RBFOX1: variants seen among roughly 807,000 people sequenced by gnomAD.
RBFOX1 encodes the protein RNA binding fox-1 homolog 1, also known as RNA binding protein fox-1 homolog 1.
In RBFOX1, 8 loss-of-function variants were observed where a neutral mutation model predicts 57.7. That is an observed-to-expected ratio of 0.14 (90% CI 0.08 to 0.25). RBFOX1 has a LOEUF of 0.25. Ranked by LOEUF, RBFOX1 falls within the 10% of genes least tolerant of loss-of-function variation. The pLI, the probability that RBFOX1 is intolerant of heterozygous loss-of-function variation, is 1.00. For synonymous variants in RBFOX1, 326 were observed against 222.4 expected (o/e 1.47, Z -4.15); for missense variants, 611 against 548.5 (o/e 1.11, Z -1.14).
chr16:5,983,084 C>T (rs1007763026), intron 4 of RBFOX1, among the ~76,000 whole-genome samples: 3 of 152,150 alleles, frequency 2.0e-5, no homozygotes, highest in East Asian at 1.9e-4. Context: ...AGAGTGAGTG[C>T]GACTTCACTT....
chr16:6,793,488 C>A lies in RBFOX1; in HGVS notation c.-16+138838C>A, dbSNP rs565630543. Among the ~76,000 whole-genome samples the A allele has an allele frequency of 6.7e-4, 102 of 152,176 alleles. 1 individual carries two copies. Among genetic ancestry groups the A allele is most frequent in the Non-Finnish European group, 1.3e-3 (86 of 68,002 alleles). On this transcript the variant is annotated intron_variant, in intron 3 of 15. Transcript: ENST00000550418. Reference sequence around the variant, plus strand: ...TGTCTCAGTGGACATTGTTGGTATTCCTGAGTGTTTTGACATTTTGGCCAT... The same window carrying A: ...TGTCTCAGTGGACATTGTTGGTATTACTGAGTGTTTTGACATTTTGGCCAT...
intron 4 of RBFOX1, among the ~76,000 whole-genome samples, chr16:7,393,820 T>A (rs1349971067): frequency 2.0e-5 from 3 of 152,150 alleles, no homozygotes; most frequent in African/African-American, 7.2e-5. Context: ...AGGTGAATCA[T>A]GCCAGCCAAG....
At chr16:7,510,151 C>T (rs941141012) in intron 4 of RBFOX1, 23 of 985,590 alleles carry the variant, frequency 2.3e-5, no homozygotes, top group Non-Finnish European at 2.4e-5. Flanking sequence ...AGCCAGGCGG[C>T]CTCAGCCCCC....
At chr16:7,435,561 C>G (rs189274096) in intron 4 of RBFOX1, among the ~76,000 whole-genome samples, 58 of 152,170 alleles carry the variant, frequency 3.8e-4, no homozygotes, top group African/African-American at 1.3e-3. Flanking sequence ...GCAGCAGCAT[C>G]TACATCCATG....
chr16:7,368,297 G>A (rs4491518), intron 4 of RBFOX1, among the ~76,000 whole-genome samples: 53,139 of 150,912 alleles, frequency 0.35, 10,916 homozygotes, highest in African/African-American at 0.58. Context: ...AAGAAAGGCC[G>A]TAAGTATTTT....
chr16:7,443,364 C>G (rs2098784078), intron 4 of RBFOX1, among the ~76,000 whole-genome samples: 1 of 151,864 alleles, frequency 6.6e-6, no homozygotes, highest in South Asian at 2.1e-4. Flanking sequence ...CCTCCTGTCT[C>G]ACACACTCTC....
At chr16:6,266,820 C>T (rs916334967) in intron 1 of RBFOX1, among the ~76,000 whole-genome samples, 7 of 151,818 alleles carry the variant, frequency 4.6e-5, no homozygotes, top group African/African-American at 1.5e-4. Context: ...ATCATGTGTT[C>T]CCATGGCATT....
intron 5 of RBFOX1, among the ~76,000 whole-genome samples, chr16:7,574,440 T>A (rs2093113569): frequency 6.6e-6 from 1 of 152,160 alleles, no homozygotes; most frequent in East Asian, 1.9e-4. Context: ...GAAGTCAGGC[T>A]GGGTCCCAAA....
intron 1 of RBFOX1, among the ~76,000 whole-genome samples, chr16:5,240,426 TGGGCATCCTGTCTG>T (rs1379915872): frequency 2.0e-5 from 3 of 152,000 alleles, no homozygotes; most frequent in Non-Finnish European, 4.4e-5. Context: ...GGGGTTGCGC[TGGGCATCCTGTCTG>T]GGGCATCTGT....
chr16:5,407,427 C>T (rs1293192646), intron 1 of RBFOX1, among the ~76,000 whole-genome samples: 4 of 151,984 alleles, frequency 2.6e-5, no homozygotes, highest in African/African-American at 9.7e-5. Flanking sequence ...AGAGCAGAGG[C>T]CCTGTGCTGG....
chr16:5,910,058 A>T (rs559529201), intron 4 of RBFOX1, among the ~76,000 whole-genome samples: 53 of 151,930 alleles, frequency 3.5e-4, no homozygotes, highest in African/African-American at 1.2e-3. Flanking sequence ...AAAAACAAAC[A>T]AAAACAAAAA....
chr16:6,445,508 A>G (rs562426260), intron 2 of RBFOX1, among the ~76,000 whole-genome samples: 1 of 151,896 alleles, frequency 6.6e-6, no homozygotes, highest in South Asian at 2.1e-4. Context: ...GAATGAGACA[A>G]GCCAAGGATA....
rs527423818 is a variant in RBFOX1 at position 7,199,922 on chromosome 16, A to G, written c.27+147824A>G. Among the ~76,000 whole-genome samples the G allele has an allele frequency of 9.2e-5, 14 of 152,228 alleles. No homozygotes were observed. The East Asian group carries it at 1.4e-3, about 15-fold the overall frequency. Reference sequence around the variant, plus strand: ...AAAAACAAAACAAAACAACAACAACAACAACAACAAAGAAATTAGACAAAA... The same window carrying G: ...AAAAACAAAACAAAACAACAACAACGACAACAACAAAGAAATTAGACAAAA... On this transcript the variant is annotated intron_variant, in intron 4 of 15. Coordinates refer to ENST00000550418, the MANE Select transcript of RBFOX1 (RefSeq NM_018723.4).
chr16:6,574,918 G>T (rs11640416), intron 2 of RBFOX1, among the ~76,000 whole-genome samples: 1 of 151,096 alleles, frequency 6.6e-6, no homozygotes, highest in Non-Finnish European at 1.5e-5. Context: ...GGCGCCTGTA[G>T]TCCCAGCTAC....
intron 3 of RBFOX1, among the ~76,000 whole-genome samples, chr16:5,680,530 T>G (rs139617296): frequency 1.6e-3 from 246 of 152,310 alleles, no homozygotes; most frequent in African/African-American, 5.8e-3. Context: ...GCAGATAGAC[T>G]TGGAGTACAT....
chr16:5,333,883 A>G (rs2064830245), intron 1 of RBFOX1, among the ~76,000 whole-genome samples: 1 of 152,208 alleles, frequency 6.6e-6, no homozygotes, highest in Non-Finnish European at 1.5e-5. Context: ...ATACAGCATT[A>G]TAATCTTATG....
At chr16:7,361,808 G>T (rs888283003) in intron 4 of RBFOX1, among the ~76,000 whole-genome samples, 3 of 152,090 alleles carry the variant, frequency 2.0e-5, no homozygotes, top group African/African-American at 7.2e-5. Flanking sequence ...GCCAGTGTGT[G>T]TATGTGTGTT....
chr16:6,829,064 G>A (rs1038005968), intron 3 of RBFOX1, among the ~76,000 whole-genome samples: 2 of 152,028 alleles, frequency 1.3e-5, no homozygotes, highest in African/African-American at 4.8e-5. Flanking sequence ...CACCTGCCGG[G>A]ATCAGGGTCC....
At chr16:5,552,879 G>T (rs781425363) in intron 2 of RBFOX1, among the ~76,000 whole-genome samples, 19 of 152,026 alleles carry the variant, frequency 1.2e-4, no homozygotes, top group Non-Finnish European at 1.8e-4. Flanking sequence ...TTCCCATCTT[G>T]ATACCCATCT....
Sources: allele counts gnomAD v4.1 joint callset (sites outside exome capture counted in the v4.1 genomes callset), GRCh38; gene constraint gnomAD v4.1.1; transcripts MANE v1.5; gene names NCBI Gene and HGNC (gene_info 2026-07-23, HGNC 2026-07-21).